NR1I3: variants seen among roughly 807,000 people sequenced by gnomAD.
NR1I3 encodes the protein nuclear receptor subfamily 1 group I member 3.
Under a neutral mutation model 38.4 loss-of-function variants are expected in NR1I3, and 30 were observed. That is an observed-to-expected ratio of 0.78 (90% CI 0.58 to 1.06). The LOEUF is 1.06. Among genes scored for constraint, NR1I3 ranks in the 50% least tolerant of loss-of-function variants. NR1I3 has a pLI of 0.00. For missense variants in NR1I3, 388 were observed against 435.7 expected, an observed-to-expected ratio of 0.89 and a Z score of 0.97; for synonymous variants, 143 against 165.1, an observed-to-expected ratio of 0.87 and a Z score of 1.03.
At position 161,236,726 on chromosome 1, in the gene NR1I3, G is replaced by GTTTTAT. The variant is rs1553254764; in HGVS notation, c.-33-129_-33-128insATAAAA. On this transcript the variant is annotated intron_variant, in intron 1 of 8. Coordinates refer to ENST00000367983, the MANE Select transcript of NR1I3 (RefSeq NM_005122.5). ...TTGATCCCTGGCGTTATCTTTTGTGGTTTTCTTTTTCTTTTTCTTTTTCTT... is the reference window on the plus strand; with the variant it reads ...TTGATCCCTGGCGTTATCTTTTGTGGTTTTATTTTTCTTTTTCTTTTTCTTTTTCTT... 5.3e-5 allele frequency: 31 copies of GTTTTAT among 588,988 alleles called. No individual in the cohort carries two copies. In the African/African-American group the frequency reaches 6.0e-4, roughly 11 times the overall value. 36.5% of individuals were successfully genotyped at this position (588,988 alleles called of 1,614,324 possible).
Position 161,238,028 on chromosome 1 carries a change from A to G in NR1I3, c.-34+13T>C, listed in dbSNP as rs780016848. 19 of 1,611,802 alleles carry G rather than the reference A, an allele frequency of 1.2e-5. No individual in the cohort carries two copies. The highest frequency in any genetic ancestry group is 1.7e-5 in the Admixed American group (1 of 59,996). On this transcript the variant is annotated intron_variant, in intron 1 of 8. Coordinates refer to ENST00000367983, the MANE Select transcript of NR1I3 (RefSeq NM_005122.5). ...TATTACATTTAGTCTTTGGTCCCCA[A>G]CAGATTTCCTACCTGCTTCTCTTAG...
At position 161,231,097 on chromosome 1, in the gene NR1I3, G is replaced by A. The variant is rs754269848; in HGVS notation, c.811+20C>T. Reference sequence around the variant, plus strand: ...CAGAGGTGGTGCAGCAAAAGGCTCTGGGCTTTGGGAGGTGCTCACCAGGAG... The same window carrying A: ...CAGAGGTGGTGCAGCAAAAGGCTCTAGGCTTTGGGAGGTGCTCACCAGGAG... On this transcript the variant is annotated intron_variant, in intron 7 of 8. Transcript: ENST00000367983. The A allele has an allele frequency of 3.1e-6, 5 of 1,614,134 alleles. No individual in the cohort carries two copies. Among genetic ancestry groups the A allele is most frequent in the Non-Finnish European group, 4.2e-6 (5 of 1,180,018 alleles).
At chr1:161,232,692 A>T in intron 5 of NR1I3, 115 bp downstream of exon 5, 2 of 1,022,476 alleles carry the variant, frequency 2.0e-6, no homozygotes, top group Non-Finnish European at 3.0e-6. Flanking sequence ...GGAATTCAAG[A>T]CCTAATGCTT....
At chr1:161,235,462 G>A (rs1294328931) in intron 3 of NR1I3, 1 of 163,882 alleles carries the variant, frequency 6.1e-6, no homozygotes, top group African/African-American at 2.4e-5. Flanking sequence ...TAGAGACGGG[G>A]TTTCACTGTG....
intron 1 of NR1I3, among the ~76,000 whole-genome samples, chr1:161,236,964 T>C (rs1404394105): frequency 1.3e-5 from 2 of 150,574 alleles, no homozygotes; most frequent in Non-Finnish European, 2.9e-5. Context: ...GTTGGTTTTT[T>C]TGTTTATTTT....
chr1:161,236,216 T>TA, intron 2 of NR1I3: 1 of 642,858 alleles, frequency 1.6e-6, no homozygotes, highest in Non-Finnish European at 2.7e-6. Flanking sequence ...AGTGGGTACA[T>TA]AATAAATGCT....
At position 161,238,193 on chromosome 1, in the gene NR1I3, A is replaced by G; in HGVS notation, c.-186T>C. Reference sequence around the variant, plus strand: ...TTATGACCCGTAGTATCTGGAAAACAAGAGATGTCTGTTTTATGTGGCCTC... The same window carrying G: ...TTATGACCCGTAGTATCTGGAAAACGAGAGATGTCTGTTTTATGTGGCCTC... On this transcript the variant is annotated 5_prime_UTR_variant, in exon 1 of 9. Coordinates refer to ENST00000367983, the MANE Select transcript of NR1I3 (RefSeq NM_005122.5). 1.3e-6 allele frequency: 2 copies of G among 1,543,116 alleles called. No homozygotes were observed. The highest frequency in any genetic ancestry group is 1.8e-6 in the Non-Finnish European group (2 of 1,134,732).
chr1:161,236,112 G>T, intron 2 of NR1I3, 135 bp from the exon 3 acceptor site: 1 of 982,424 alleles, frequency 1.0e-6, no homozygotes. Flanking sequence ...CCCAGGGGTG[G>T]ATAGTATCCA....
At chr1:161,232,035 T>G (rs1667445560) in intron 5 of NR1I3, among the ~76,000 whole-genome samples, 1 of 151,894 alleles carries the variant, frequency 6.6e-6, no homozygotes, top group Non-Finnish European at 1.5e-5. Context: ...TCACCCAGGC[T>G]GGATGTAGTG....
chr1:161,230,635 C>A, intron 8 of NR1I3, 178 bp downstream of exon 8: 1 of 781,972 alleles, frequency 1.3e-6, no homozygotes, highest in Non-Finnish European at 2.0e-6. Context: ...TATCCAAATA[C>A]AGCAATTTGG....
chr1:161,230,462 G>A, intron 8 of NR1I3: 1 of 484,382 alleles, frequency 2.1e-6, no homozygotes, highest in Non-Finnish European at 3.6e-6. Context: ...GGAGAGGAAA[G>A]GCCAAGGGAA....
In NR1I3 at chr1:161,238,157, G is replaced by A; in HGVS notation, c.-150C>T. 6.3e-7 allele frequency: 1 copy of A among 1,593,364 alleles called. No homozygotes were observed. Among genetic ancestry groups the A allele is most frequent in the Non-Finnish European group, 8.6e-7 (1 of 1,163,622 alleles). On this transcript the variant is annotated 5_prime_UTR_variant, in exon 1 of 9. Coordinates refer to ENST00000367983, the MANE Select transcript of NR1I3 (RefSeq NM_005122.5). The stretch of plus-strand genomic sequence containing the variant: ...CTGATCTCAGGAGTTGCCAGTGATT[G>A]GAGTTAGGGATTATGACCCGTAGTA...
At chr1:161,233,899 GTA>G (rs200372639) in intron 3 of NR1I3, among the ~76,000 whole-genome samples, 8 of 147,214 alleles carry the variant, frequency 5.4e-5, no homozygotes, top group Admixed American at 1.4e-4. Context: ...ATATGTGTGT[GTA>G]TATATATGTG....
intron 5 of NR1I3, 109 bp downstream of exon 5, chr1:161,232,698 T>C: frequency 9.0e-7 from 1 of 1,108,014 alleles, no homozygotes; most frequent in South Asian, 1.4e-5. Context: ...CAAGACCTAA[T>C]GCTTGGAAAG....
In NR1I3 at chr1:161,229,699, C is replaced by T. The variant is rs1666651942; in HGVS notation, c.*98G>A. 6.2e-7 allele frequency: 1 copy of T among 1,614,138 alleles called. No individual in the cohort carries two copies. The highest frequency in any genetic ancestry group is 8.5e-7 in the Non-Finnish European group (1 of 1,179,992). On this transcript the variant is annotated 3_prime_UTR_variant, in exon 9 of 9. Coordinates refer to ENST00000367983, the MANE Select transcript of NR1I3 (RefSeq NM_005122.5). ...TTAGTCTTTCATTGCAACCACTGGG[C>T]TCCCTTTGAACCCGGCCCAATCTTT...
chr1:161,237,563 C>T (rs1243160648), intron 1 of NR1I3, among the ~76,000 whole-genome samples: 1 of 151,366 alleles, frequency 6.6e-6, no homozygotes, highest in Non-Finnish European at 1.5e-5. Context: ...ACTAAAAATA[C>T]AAAAATTAGC....
At position 161,230,740 on chromosome 1, in the gene NR1I3, C is replaced by T. The variant is rs183296423; in HGVS notation, c.917+73G>A. The T allele has an allele frequency of 3.0e-4, 473 of 1,600,288 alleles. 3 individuals carry two copies. In the African/African-American group the frequency reaches 6.1e-3, roughly 21 times the overall value. On this transcript the variant is annotated intron_variant, in intron 8 of 8. Transcript: ENST00000367983. ...AGGAAAGGACAGTAAAAAAACATTC[C>T]TCCCAAGCTCAATGTTTCACCAACC... is the stretch of plus-strand genomic sequence containing the variant.
chr1:161,235,950 G>A lies in NR1I3; in HGVS notation c.135C>T (p.Pro45=), dbSNP rs756865381. 3 of 1,607,614 alleles carry A rather than the reference G, an allele frequency of 1.9e-6. No homozygotes were observed. Among genetic ancestry groups the A allele is most frequent in the Non-Finnish European group, 1.7e-6 (2 of 1,177,108 alleles). Residue 45 remains proline, a synonymous_variant, in exon 3 of 9, where the codon CCC becomes CCT. Coordinates refer to ENST00000367983, the MANE Select transcript of NR1I3 (RefSeq NM_005122.5). ...FRRTVSKSIG[P]TCPFAGSCEV... Reference sequence around the variant, plus strand: ...CACAGCTTCCAGCAAAGGGGCAGGTGGGACCAATGCTTTTGCTGACTGTTC... The same window carrying A: ...CACAGCTTCCAGCAAAGGGGCAGGTAGGACCAATGCTTTTGCTGACTGTTC...
At chr1:161,232,276 G>C (rs189480915) in intron 5 of NR1I3, among the ~76,000 whole-genome samples, 2 of 151,628 alleles carry the variant, frequency 1.3e-5, no homozygotes, top group Non-Finnish European at 2.9e-5. Context: ...ATGAGCCACC[G>C]TGCCTGGCCT....
Sources: gnomAD v4.1 joint callset for allele counts (sites outside exome capture counted in the v4.1 genomes callset) on GRCh38, gnomAD v4.1.1 for gene constraint, MANE v1.5 for transcripts, NCBI Gene and HGNC (gene_info 2026-07-23, HGNC 2026-07-21) for gene names.